Variants in PXT1 observed in about 807,000 individuals in gnomAD.
PXT1 encodes peroxisomal testis-specific protein 1.
In PXT1, 11 loss-of-function variants were observed where a neutral mutation model predicts 11.0. The ratio of observed to expected loss-of-function variants is 1.00; its 90% CI spans 0.63 to 1.66. PXT1 has a LOEUF of 1.66. PXT1 is among the 40% of genes most tolerant of loss of function. The pLI, the probability that PXT1 is intolerant of heterozygous loss-of-function variation, is 0.00. For missense variants in PXT1, 141 were observed against 155.5 expected (o/e 0.91, Z 0.49); for synonymous variants, 43 against 51.4 (o/e 0.84, Z 0.70).
intron 2 of PXT1, among the ~76,000 whole-genome samples, chr6:36,429,609 G>A (rs1303585540): frequency 2.1e-5 from 3 of 146,270 alleles, no homozygotes; most frequent in African/African-American, 5.1e-5. Flanking sequence ...AGGTTCAAGC[G>A]ATTCTTCTGC....
intron 2 of PXT1, among the ~76,000 whole-genome samples, chr6:36,438,554 C>G (rs938488725): frequency 4.0e-5 from 6 of 151,890 alleles, no homozygotes; most frequent in Middle Eastern, 3.4e-3. Flanking sequence ...CTCCCGAGTA[C>G]CGGGACTACA....
At chr6:36,428,635 T>TC (rs1323966214) in intron 2 of PXT1, among the ~76,000 whole-genome samples, 1 of 152,184 alleles carries the variant, frequency 6.6e-6, no homozygotes, top group Non-Finnish European at 1.5e-5. Flanking sequence ...GAATGTTGGA[T>TC]TTTATTTTTC....
Position 36,400,678 on chromosome 6 carries a change from G to T in PXT1, c.170-94C>A. The T allele has an allele frequency of 2.2e-6, 3 of 1,352,726 alleles. No individual in the cohort carries two copies. In the South Asian group the frequency reaches 4.0e-5, roughly 18 times the overall value. 83.8% of individuals were successfully genotyped at this position (1,352,726 alleles called of 1,614,324 possible). A position where few individuals can be genotyped will look rare whatever the true frequency, so the allele number is the denominator to read the frequency against. On this transcript the variant is annotated intron_variant, in intron 3 of 4. Transcript: ENST00000454782. ...GTTACTAAAAACTGTCTTAGAAAATGAGAGGGTTGGCCAGATGCAGTGGCT... is the reference window on the plus strand; with the variant it reads ...GTTACTAAAAACTGTCTTAGAAAATTAGAGGGTTGGCCAGATGCAGTGGCT...
intron 3 of PXT1, among the ~76,000 whole-genome samples, chr6:36,425,158 A>C (rs1774584535): frequency 6.6e-6 from 1 of 152,224 alleles, no homozygotes; most frequent in Admixed American, 6.5e-5. Flanking sequence ...TGGGGCATTT[A>C]GGAATCACAC....
At chr6:36,427,872 A>G (rs987182820) in intron 2 of PXT1, among the ~76,000 whole-genome samples, 1 of 152,164 alleles carries the variant, frequency 6.6e-6, no homozygotes, top group African/African-American at 2.4e-5. Context: ...AAGATTGTCA[A>G]ATAGAATTGT....
At chr6:36,399,938 C>T (rs1406574676) in intron 4 of PXT1, among the ~76,000 whole-genome samples, 1 of 152,216 alleles carries the variant, frequency 6.6e-6, no homozygotes, top group East Asian at 1.9e-4. Context: ...TCCTCCCTGA[C>T]TGTGCATTAG....
intron 3 of PXT1, among the ~76,000 whole-genome samples, chr6:36,413,640 A>G (rs1774407463): frequency 6.6e-6 from 1 of 152,214 alleles, no homozygotes; most frequent in Admixed American, 6.5e-5. Flanking sequence ...TAATGCCCTC[A>G]AAGATGTTAT....
intron 3 of PXT1, among the ~76,000 whole-genome samples, chr6:36,412,532 C>T (rs1157775171): frequency 6.6e-6 from 1 of 151,844 alleles, no homozygotes; most frequent in African/African-American, 2.4e-5. Context: ...TGGTGGTGCA[C>T]ACCTGTAGTC....
chr6:36,430,379 T>G (rs971466461), intron 2 of PXT1, among the ~76,000 whole-genome samples: 6 of 152,194 alleles, frequency 3.9e-5, no homozygotes, highest in African/African-American at 1.4e-4. Flanking sequence ...CAGAATGGAC[T>G]CTGTAGATGT....
chr6:36,399,740 A>G (rs375588129), intron 4 of PXT1, among the ~76,000 whole-genome samples: 2 of 152,276 alleles, frequency 1.3e-5, no homozygotes, highest in East Asian at 1.9e-4. Flanking sequence ...GTTGTTTCGG[A>G]GGAAAACTAA....
chr6:36,441,111 GAAAAAAA>G (rs970159726), intron 1 of PXT1, among the ~76,000 whole-genome samples: 2 of 71,260 alleles, frequency 2.8e-5, no homozygotes, highest in Middle Eastern at 9.3e-3. Context: ...TCCACAAAAA[GAAAAAAA>G]AAAAAAAAAA....
At chr6:36,410,824 T>C (rs1774362537) in intron 3 of PXT1, among the ~76,000 whole-genome samples, 1 of 152,178 alleles carries the variant, frequency 6.6e-6, no homozygotes, top group Non-Finnish European at 1.5e-5. Context: ...ATGCACCATC[T>C]GAGTCTCCAT....
At chr6:36,422,973 C>T (rs1480432437) in intron 3 of PXT1, among the ~76,000 whole-genome samples, 1 of 152,162 alleles carries the variant, frequency 6.6e-6, no homozygotes, top group African/African-American at 2.4e-5. Flanking sequence ...TTCTAATTTC[C>T]CTTAAATGAT....
chr6:36,427,236 C>T (rs1774621803), intron 2 of PXT1, among the ~76,000 whole-genome samples: 3 of 152,074 alleles, frequency 2.0e-5, no homozygotes, highest in Admixed American at 6.6e-5. Context: ...CTGCTGACCT[C>T]GTGATCTGCC....
chr6:36,419,270 A>T (rs1015982726), intron 3 of PXT1, among the ~76,000 whole-genome samples: 3 of 152,218 alleles, frequency 2.0e-5, no homozygotes, highest in South Asian at 2.1e-4. Flanking sequence ...AAGCATATTG[A>T]TTTGTAACTA....
At chr6:36,397,485 C>T (rs1353848957) in intron 4 of PXT1, among the ~76,000 whole-genome samples, 1 of 152,108 alleles carries the variant, frequency 6.6e-6, no homozygotes, top group Non-Finnish European at 1.5e-5. Context: ...TGAAGATAGA[C>T]TCTTAACTAA....
In PXT1 at chr6:36,400,538, C is replaced by G. The variant is rs758302235; in HGVS notation, c.216G>C (p.Lys72Asn). ...SQPKEHSIVQ[K>N]HHQEEIIHKL... ...TGTGAATTATTTCCTCCTGGTGATG[C>G]TTCTGAACAATGCTATGCTCCTTGG... The change falls in exon 4 of 5, where the codon AAG (lysine) becomes AAC (asparagine). Residue 72 changes from lysine to asparagine, a missense_variant. Lys to Asn is a moderately conservative substitution (Grantham distance 94, BLOSUM62 0). Coordinates refer to ENST00000454782, the MANE Select transcript of PXT1 (RefSeq NM_152990.4). 15 of 1,613,804 alleles carry G rather than the reference C, an allele frequency of 9.3e-6. No homozygotes were observed. The East Asian group carries it at 2.9e-4, about 31-fold the overall frequency.
chr6:36,405,741 G>A (rs903052831), intron 3 of PXT1, among the ~76,000 whole-genome samples: 1 of 152,098 alleles, frequency 6.6e-6, no homozygotes, highest in African/African-American at 2.4e-5. Flanking sequence ...AGTCCTGCAG[G>A]CTCAATTTAT....
At chr6:36,399,713 T>C (rs1251905167) in intron 4 of PXT1, among the ~76,000 whole-genome samples, 4 of 152,164 alleles carry the variant, frequency 2.6e-5, no homozygotes, top group Non-Finnish European at 5.9e-5. Flanking sequence ...GTAATCATTC[T>C]CTCCTGCCAA....
Sources: gnomAD v4.1 joint callset for allele counts (sites outside exome capture counted in the v4.1 genomes callset) on GRCh38, gnomAD v4.1.1 for gene constraint, MANE v1.5 for transcripts, NCBI Gene and HGNC (gene_info 2026-07-23, HGNC 2026-07-21) for gene names.